The following MIPEP variants were observed in gnomAD, a reference collection of about 807,000 sequenced individuals.
The protein encoded by MIPEP is mitochondrial intermediate peptidase.
Under a neutral mutation model 90.3 loss-of-function variants are expected in MIPEP, and 79 were observed. The observed-to-expected ratio is 0.87, with a 90% CI of 0.73 to 1.05. The LOEUF (loss-of-function observed/expected upper bound fraction) is 1.05. MIPEP is among the 50% of genes least tolerant of loss of function. The probability of loss-of-function intolerance (pLI) is 0.00; values close to 1 mark genes in which losing one functional copy is unlikely to be tolerated. For synonymous variants in MIPEP, 334 were observed against 315.8 expected, an observed-to-expected ratio of 1.06 and a Z score of -0.61; for missense variants, 940 against 905.6, an observed-to-expected ratio of 1.04 and a Z score of -0.49.
At chr13:23,785,522 G>A (rs1400023986) in intron 16 of MIPEP, among the ~76,000 whole-genome samples, 2 of 151,364 alleles carry the variant, frequency 1.3e-5, no homozygotes, top group African/African-American at 4.9e-5. Flanking sequence ...TATACCCAAT[G>A]TAAATGACGA....
At chr13:23,774,275 T>C (rs145082606) in intron 16 of MIPEP, among the ~76,000 whole-genome samples, 36 of 152,288 alleles carry the variant, frequency 2.4e-4, no homozygotes, top group African/African-American at 7.7e-4. Context: ...TGTATGTTTA[T>C]CCTTATGCCA....
rs1216178185 is a variant in MIPEP at position 23,836,342 on chromosome 13, C to A, written c.1551G>T (p.Arg517Ser). 2.5e-6 allele frequency: 4 copies of A among 1,568,828 alleles called. No individual in the cohort carries two copies. Among genetic ancestry groups the A allele is most frequent in the Non-Finnish European group, 3.4e-6 (4 of 1,163,150 alleles). The stretch of plus-strand genomic sequence containing the variant: ...GAACCTCAGCAAAATCAGTAGGGCA[C>A]CTGGTCCCTAAAACAAGAAAAAAAA... ...RTRYQHVTGTRCPTDFAEVPS... is the reference protein window; with the variant it reads ...RTRYQHVTGTSCPTDFAEVPS... The change falls in exon 14 of 19, where the codon AGG (arginine) becomes AGT (serine). Residue 517 changes from arginine (R) to serine (S), a missense_variant. Transcript: ENST00000382172.
chr13:23,774,871 T>C (rs1164086481), intron 16 of MIPEP, among the ~76,000 whole-genome samples: 1 of 139,280 alleles, frequency 7.2e-6, no homozygotes. Flanking sequence ...CTCGGCTCAC[T>C]GCGGCCTCTG....
At chr13:23,756,391 G>C (rs1335008107) in intron 18 of MIPEP, 154 bp downstream of exon 18, 1 of 708,594 alleles carries the variant, frequency 1.4e-6, no homozygotes. Flanking sequence ...CTGACCTCAG[G>C]TGATCCACCC....
intron 3 of MIPEP, among the ~76,000 whole-genome samples, 171 bp from the exon 4 acceptor site, chr13:23,879,525 C>A (rs944206214): frequency 2.0e-5 from 3 of 151,888 alleles, no homozygotes; most frequent in Non-Finnish European, 2.9e-5. Context: ...TCCCTTCTTT[C>A]TTTCTTTCCC....
At chr13:23,797,322 T>C (rs969946684) in intron 16 of MIPEP, among the ~76,000 whole-genome samples, 1 of 152,208 alleles carries the variant, frequency 6.6e-6, no homozygotes, top group African/African-American at 2.4e-5. Flanking sequence ...TCTCCTGGGC[T>C]GTGGACCCAC....
chr13:23,745,861 C>G (rs1222807534), intron 18 of MIPEP, among the ~76,000 whole-genome samples: 3 of 150,732 alleles, frequency 2.0e-5, no homozygotes, highest in African/African-American at 7.3e-5. Context: ...ACCTGGGTGG[C>G]AGAGTTTGCA....
chr13:23,837,731 C>T lies in MIPEP; in HGVS notation c.1364G>A (p.Gly455Asp). Residue 455 changes from glycine (G) to aspartate (D), a missense_variant, in exon 13 of 19, where the codon GGC (glycine) becomes GAC (aspartate). Coordinates refer to ENST00000382172, the MANE Select transcript of MIPEP (RefSeq NM_005932.4). ...HQDCHFTIRG[G>D]RLKEDGDYQL... ...ATAGTCTCCATCTTCCTTTAGTCTG[C>T]CTCCACGGATAGTGAAATGGCAATC... The T allele has an allele frequency of 6.2e-7, 1 of 1,613,194 alleles. No individual in the cohort carries two copies. The highest frequency in any genetic ancestry group is 8.5e-7 in the Non-Finnish European group (1 of 1,179,242).
intron 14 of MIPEP, among the ~76,000 whole-genome samples, chr13:23,814,168 C>T (rs2137417096): frequency 6.6e-6 from 1 of 152,346 alleles, no homozygotes; most frequent in Non-Finnish European, 1.5e-5. Flanking sequence ...AGAAAATACT[C>T]CCTTTCACTG....
chr13:23,772,823 T>C (rs868264587), intron 16 of MIPEP, among the ~76,000 whole-genome samples: 6 of 152,190 alleles, frequency 3.9e-5, no homozygotes, highest in Non-Finnish European at 8.8e-5. Context: ...AATGGAGGCA[T>C]TGAGTGTGGC....
chr13:23,799,603 G>A (rs911173530), intron 16 of MIPEP, among the ~76,000 whole-genome samples: 5 of 152,226 alleles, frequency 3.3e-5, no homozygotes, highest in African/African-American at 1.2e-4. Flanking sequence ...TGGGATTACA[G>A]GCATGAGCCA....
intron 16 of MIPEP, among the ~76,000 whole-genome samples, chr13:23,773,910 A>T (rs569572345): frequency 3.9e-4 from 59 of 152,314 alleles, no homozygotes; most frequent in Middle Eastern, 3.4e-3. Flanking sequence ...CATTAAAATT[A>T]AAAAATTTGT....
At chr13:23,787,643 C>T (rs1268279256) in intron 16 of MIPEP, among the ~76,000 whole-genome samples, 1 of 152,166 alleles carries the variant, frequency 6.6e-6, no homozygotes, top group African/African-American at 2.4e-5. Context: ...TCCCCTACCA[C>T]GGCACTTCCA....
At chr13:23,753,588 T>C (rs1413418763) in intron 18 of MIPEP, among the ~76,000 whole-genome samples, 1 of 152,186 alleles carries the variant, frequency 6.6e-6, no homozygotes, top group Non-Finnish European at 1.5e-5. Flanking sequence ...TTAGAGAGCA[T>C]AGATACATGG....
chr13:23,806,729 T>TATCTATCTATCTATC (rs1202330899), intron 15 of MIPEP, among the ~76,000 whole-genome samples: 8 of 146,878 alleles, frequency 5.4e-5, no homozygotes, highest in African/African-American at 1.6e-4. Context: ...TCTATCTATC[T>TATCTATCTATCTATC]ATCTATCTAT....
At chr13:23,869,142 A>T (rs1870666573) in intron 7 of MIPEP, 150 bp downstream of exon 7, 4 of 660,056 alleles carry the variant, frequency 6.1e-6, no homozygotes, top group Non-Finnish European at 9.2e-6. Flanking sequence ...TCTATTTAAA[A>T]ATGGTTCCTA....
intron 6 of MIPEP, 107 bp downstream of exon 6, chr13:23,869,906 G>T: frequency 1.2e-6 from 1 of 811,360 alleles, no homozygotes; most frequent in Non-Finnish European, 1.8e-6. Flanking sequence ...GCTTAGTAAT[G>T]CTAAAAAGTT....
At chr13:23,791,221 C>T (rs953082020) in intron 16 of MIPEP, among the ~76,000 whole-genome samples, 1 of 152,192 alleles carries the variant, frequency 6.6e-6, no homozygotes, top group African/African-American at 2.4e-5. Context: ...CTTGGCAAAA[C>T]CACAGCCCTG....
intron 16 of MIPEP, among the ~76,000 whole-genome samples, chr13:23,795,397 T>TG (rs758666928): frequency 6.6e-6 from 1 of 152,188 alleles, no homozygotes; most frequent in Non-Finnish European, 1.5e-5. Context: ...TGAACAAGTG[T>TG]GGGATAAAAA....
Sources: allele counts gnomAD v4.1 joint callset (sites outside exome capture counted in the v4.1 genomes callset), GRCh38; gene constraint gnomAD v4.1.1; transcripts MANE v1.5; gene names NCBI Gene and HGNC (gene_info 2026-07-23, HGNC 2026-07-21).